The following EFHB variants were observed in gnomAD, a reference collection of about 807,000 sequenced individuals.
The protein encoded by EFHB is EF-hand domain family member B.
Under a neutral mutation model 87.2 loss-of-function variants are expected in EFHB, and 91 were observed. The observed-to-expected ratio is 1.04, with a 90% CI of 0.88 to 1.24. EFHB has a LOEUF of 1.24. Among genes scored for constraint, EFHB ranks in the 50% most tolerant of loss-of-function variants. EFHB has a pLI of 0.00. For missense variants in EFHB, 1,084 were observed against 998.8 expected (o/e 1.09, Z -1.15); for synonymous variants, 325 against 333.6 (o/e 0.97, Z 0.28).
upstream of EFHB, chr3:19,936,227 G>A: frequency 1.2e-6 from 1 of 829,580 alleles, no homozygotes; most frequent in Non-Finnish European, 2.0e-6. Context: ...GCTCACATCT[G>A]TAGTCTCAGC....
chr3:19,905,406 G>GAA (rs140603098), intron 6 of EFHB, among the ~76,000 whole-genome samples: 3 of 148,712 alleles, frequency 2.0e-5, no homozygotes, highest in African/African-American at 4.9e-5. Context: ...AATAAAGATA[G>GAA]AAAAAAAAAA....
intron 1 of EFHB, among the ~76,000 whole-genome samples, chr3:19,926,333 T>TG (rs960789942): frequency 7.6e-5 from 5 of 65,696 alleles, no homozygotes; most frequent in Non-Finnish European, 2.0e-4. Flanking sequence ...TTGGTTTTTT[T>TG]GGGGTTTTTT....
At position 19,920,521 on chromosome 3, in the gene EFHB, G is replaced by A; in HGVS notation, c.836C>T (p.Thr279Ile). The change falls in exon 2 of 13, where the codon ACT (threonine) becomes ATT (isoleucine). Residue 279 changes from threonine to isoleucine, a missense_variant. By Grantham distance (89) the Thr-to-Ile change is moderately conservative. Coordinates refer to ENST00000295824, the MANE Select transcript of EFHB (RefSeq NM_144715.4). ...AGTGCTCACCCTGGGAAGTTTTTCA[G>A]TCAAGCAGGTTGCAACTCTGTAACC... ...PVGYRVATCL[T>I]EKLPRLITPP... The A allele has an allele frequency of 3.1e-6, 5 of 1,603,616 alleles. No individual in the cohort carries two copies. Among genetic ancestry groups the A allele is most frequent in the Non-Finnish European group, 3.4e-6 (4 of 1,176,536 alleles).
At chr3:19,915,450 T>A in intron 4 of EFHB, 37 bp from the exon 5 acceptor site, 1 of 1,383,698 alleles carries the variant, frequency 7.2e-7, no homozygotes. Context: ...TCCAAGTCAC[T>A]TTTTAACCTA....
chr3:19,936,183 T>A, upstream of EFHB: 3 of 1,216,670 alleles, frequency 2.5e-6, no homozygotes, highest in Non-Finnish European at 3.5e-6. Context: ...GAAGAATTGC[T>A]TAACGCCAAG....
chr3:19,940,962 A>G (rs1007742471), intron 1 of EFHB: 1 of 317,224 alleles, frequency 3.2e-6, no homozygotes, highest in Non-Finnish European at 6.3e-6. Context: ...TGACTACACC[A>G]TCGGTTTCAA....
chr3:19,880,403 C>G (rs899524768), intron 12 of EFHB, among the ~76,000 whole-genome samples: 1 of 151,930 alleles, frequency 6.6e-6, no homozygotes, highest in Non-Finnish European at 1.5e-5. Context: ...GTGTGTGCCA[C>G]CACACCTGGC....
intron 1 of EFHB, among the ~76,000 whole-genome samples, chr3:19,924,623 T>C (rs1695553873): frequency 6.6e-6 from 1 of 152,242 alleles, no homozygotes; most frequent in Non-Finnish European, 1.5e-5. Context: ...CAGTTTGGTC[T>C]AGGGGAAGAC....
At chr3:19,938,201 G>A (rs931042876), upstream of EFHB, among the ~76,000 whole-genome samples, 1 of 152,204 alleles carries the variant, frequency 6.6e-6, no homozygotes, top group Non-Finnish European at 1.5e-5. Context: ...GATTGACTGG[G>A]AAAGGACATG....
At position 19,914,190 on chromosome 3, in the gene EFHB, C is replaced by T. The variant is rs531006130; in HGVS notation, c.1288+1113G>A. On this transcript the variant is annotated intron_variant, in intron 5 of 12. Transcript: ENST00000295824. ...CTCAAACTCCTGGGCTCAAGTGATCCGGCGCTGAGATTACAAGAGTGAGCC... is the reference window on the plus strand; with the variant it reads ...CTCAAACTCCTGGGCTCAAGTGATCTGGCGCTGAGATTACAAGAGTGAGCC... Among the ~76,000 whole-genome samples the T allele has an allele frequency of 3.9e-4, 59 of 152,196 alleles. No individual in the cohort carries two copies. The South Asian group carries it at 0.011, about 29-fold the overall frequency.
At chr3:19,902,502 G>A (rs1054032025) in intron 6 of EFHB, among the ~76,000 whole-genome samples, 3 of 151,846 alleles carry the variant, frequency 2.0e-5, no homozygotes, top group East Asian at 2.0e-4. Flanking sequence ...CTACAGGTGC[G>A]TGCCACCACA....
intron 7 of EFHB, among the ~76,000 whole-genome samples, 167 bp downstream of exon 7, chr3:19,899,265 T>C (rs1694588322): frequency 6.6e-6 from 1 of 152,244 alleles, no homozygotes; most frequent in South Asian, 2.1e-4. Context: ...ACTGCTTTCC[T>C]GGAATCCCAA....
chr3:19,920,446 C>G, intron 2 of EFHB, 59 bp downstream of exon 2: 3 of 1,400,616 alleles, frequency 2.1e-6, no homozygotes, highest in Non-Finnish European at 3.0e-6. Flanking sequence ...GTTGCCTATT[C>G]CTTAATGTTC....
upstream of EFHB, chr3:19,934,298 C>T (rs777111128): frequency 9.9e-6 from 13 of 1,319,224 alleles, no homozygotes; most frequent in Non-Finnish European, 1.3e-5. Flanking sequence ...ATCTCTCATT[C>T]TTCTCTCTCT....
At chr3:19,900,048 G>A (rs1014560063) in intron 6 of EFHB, among the ~76,000 whole-genome samples, 3 of 152,090 alleles carry the variant, frequency 2.0e-5, no homozygotes, top group African/African-American at 7.2e-5. Flanking sequence ...ACTCCAGCCT[G>A]GGTGACAGAG....
At chr3:19,938,740 G>A (rs891331379), upstream of EFHB, among the ~76,000 whole-genome samples, 23 of 152,008 alleles carry the variant, frequency 1.5e-4, no homozygotes, top group African/African-American at 5.1e-4. Context: ...CCCAAGGATC[G>A]CCAGAGAGAA....
At position 19,902,338 on chromosome 3, in the gene EFHB, TTTTG is replaced by T. The variant is rs752462038; in HGVS notation, c.1419-2827_1419-2824del. ...CAGGCAAAATATAGATAGAGATCGT[TTTTG>T]TTTGTTTGTTTGTTTTTGTTTTTGT... On this transcript the variant is annotated intron_variant, in intron 6 of 12. Transcript: ENST00000295824. Among the ~76,000 whole-genome samples the T allele has an allele frequency of 1.2e-4, 19 of 152,054 alleles. No homozygotes were observed. In the South Asian group the frequency reaches 2.3e-3, roughly 18 times the overall value.
intron 9 of EFHB, among the ~76,000 whole-genome samples, chr3:19,895,952 T>TA (rs1158147225): frequency 1.3e-5 from 2 of 152,248 alleles, no homozygotes; most frequent in African/African-American, 2.4e-5. Flanking sequence ...GGCAATTATG[T>TA]AGCCCTAGAT....
At chr3:19,888,800 G>A (rs1559446658) in intron 9 of EFHB, 149 bp from the exon 10 acceptor site, 4 of 661,022 alleles carry the variant, frequency 6.1e-6, no homozygotes, top group Non-Finnish European at 1.0e-5. Context: ...CAAATACGCT[G>A]GTTAGACCGT....
Sources: gnomAD v4.1 joint callset for allele counts (sites outside exome capture counted in the v4.1 genomes callset) on GRCh38, gnomAD v4.1.1 for gene constraint, MANE v1.5 for transcripts, NCBI Gene and HGNC (gene_info 2026-07-23, HGNC 2026-07-21) for gene names.